Variants in RFX2 observed in about 807,000 individuals in gnomAD.
The protein encoded by RFX2 is DNA-binding protein RFX2.
Under a neutral mutation model 87.8 loss-of-function variants are expected in RFX2, and 20 were observed. The ratio of observed to expected loss-of-function variants is 0.23; its 90% CI spans 0.16 to 0.33. The LOEUF is 0.33. RFX2 is among the 10% of genes least tolerant of loss of function. The pLI is 1.00. For synonymous variants in RFX2, 397 were observed against 431.3 expected (o/e 0.92, Z 0.98); for missense variants, 767 against 1,012.3 (o/e 0.76, Z 3.29).
Position 5,995,611 on chromosome 19 carries a change from C to T in RFX2, c.2046G>A (p.Leu682=). The T allele has an allele frequency of 6.4e-7, 1 of 1,552,458 alleles. No individual in the cohort carries two copies. The highest frequency in any genetic ancestry group is 8.7e-7 in the Non-Finnish European group (1 of 1,147,464). ...FNDLASLSLT[L]LDKDDMGDEQ... is the part of the protein sequence containing the mutation. ...CGCAGACGCACCTACCTTTGTCGAG[C>T]AGCGTCAGCGACAGAGAGGCGAGAT... is the stretch of plus-strand genomic sequence containing the variant. Residue 682 remains leucine (L), a synonymous_variant, in exon 17 of 18, where the codon CTG becomes CTA. Transcript: ENST00000303657.
rs1599838795 is a variant in RFX2 at position 6,002,084 on chromosome 19, T to C, written c.1651-61A>G. 5 of 1,439,660 alleles carry C rather than the reference T, an allele frequency of 3.5e-6. No individual in the cohort carries two copies. Among genetic ancestry groups the C allele is most frequent in the Non-Finnish European group, 4.7e-6 (5 of 1,065,286 alleles). 89.2% of individuals were successfully genotyped at this position (1,439,660 alleles called of 1,614,324 possible). A position where few individuals can be genotyped will look rare whatever the true frequency, so the allele number is the denominator to read the frequency against. On this transcript the variant is annotated intron_variant, in intron 14 of 17. Coordinates refer to ENST00000303657, the MANE Select transcript of RFX2 (RefSeq NM_000635.4). This position sits in a 1 kb window ranked among gnomAD's most constrained non-coding sequence, Gnocchi z 6.7. Reference sequence around the variant, plus strand: ...GACCCCCAGCCACGGCAGCCCTCCCTGGACCTAGCCATGCTCAGGGCGGGA... The same window carrying C: ...GACCCCCAGCCACGGCAGCCCTCCCCGGACCTAGCCATGCTCAGGGCGGGA...
At chr19:6,003,723 G>C (rs773770836) in intron 13 of RFX2, among the ~76,000 whole-genome samples, 2 of 139,790 alleles carry the variant, frequency 1.4e-5, no homozygotes, top group Non-Finnish European at 3.0e-5. Flanking sequence ...ACGTTGCAGT[G>C]AGCTGAGATA....
At chr19:6,084,653 A>T (rs1421757620) in intron 1 of RFX2, among the ~76,000 whole-genome samples, 1 of 99,346 alleles carries the variant, frequency 1.0e-5, no homozygotes, top group Non-Finnish European at 1.8e-5. Context: ...CTTTTTTTTG[A>T]GACAGAATCT....
intron 1 of RFX2, among the ~76,000 whole-genome samples, chr19:6,079,040 T>G (rs927746175): frequency 1.3e-5 from 2 of 152,244 alleles, no homozygotes; most frequent in African/African-American, 4.8e-5. Flanking sequence ...CCTCCCAAAG[T>G]GCTGGAATTA....
chr19:6,009,411 C>T (rs563771), intron 9 of RFX2, among the ~76,000 whole-genome samples: 18,806 of 151,968 alleles, frequency 0.12, 3,846 homozygotes, highest in African/African-American at 0.43. Flanking sequence ...ACCACTAAGC[C>T]AGCTGGGGAA....
rs935955735 is a variant in RFX2 at position 6,047,171 on chromosome 19, G to C, written c.90+236C>G. ...AAGAGATCAAGTCAGATTTGGGAGAGTGGTTTCTTTTCCATTCATGTCATT... is the reference window on the plus strand; with the variant it reads ...AAGAGATCAAGTCAGATTTGGGAGACTGGTTTCTTTTCCATTCATGTCATT... On this transcript the variant is annotated intron_variant, in intron 2 of 17. Coordinates refer to ENST00000303657, the MANE Select transcript of RFX2 (RefSeq NM_000635.4). This position sits in a 1 kb window ranked among gnomAD's most constrained non-coding sequence, Gnocchi z 4.2. 1.3e-5 allele frequency among the ~76,000 whole-genome samples: 2 copies of C among 152,240 alleles called. No individual in the cohort carries two copies. The highest frequency in any genetic ancestry group is 1.3e-4 in the Admixed American group (2 of 15,294).
At position 6,040,383 on chromosome 19, in the gene RFX2, G is replaced by T; in HGVS notation, c.261-142C>A. 2 of 807,468 alleles carry T rather than the reference G, an allele frequency of 2.5e-6. No homozygotes were observed. Among genetic ancestry groups the T allele is most frequent in the Non-Finnish European group, 3.7e-6 (2 of 544,814 alleles). The allele number at this position is 807,468 out of a possible 1,614,324, so 50.0% of individuals were successfully genotyped here. A position where few individuals can be genotyped will look rare whatever the true frequency, so the allele number is the denominator to read the frequency against. ...ATGGAGCAATTCGGACGTGGCATAT[G>T]ACACTCAAATGCAGCGCAAGTTCAC... On this transcript the variant is annotated intron_variant, in intron 4 of 17. Coordinates refer to ENST00000303657, the MANE Select transcript of RFX2 (RefSeq NM_000635.4). This position sits in a 1 kb window ranked among gnomAD's most constrained non-coding sequence, Gnocchi z 6.1.
intron 6 of RFX2, among the ~76,000 whole-genome samples, chr19:6,018,132 C>T (rs548012595): frequency 5.9e-5 from 9 of 152,158 alleles, no homozygotes; most frequent in Non-Finnish European, 1.3e-4. Context: ...TGCACCACCA[C>T]ATCTGGCTTA....
rs2087219448 is a variant in RFX2, at chr19:6,047,975, A to G, written c.-8-471T>C. Among the ~76,000 whole-genome samples the G allele has an allele frequency of 6.6e-6, 1 of 152,228 alleles. No homozygotes were observed. ...GTGGCACCGTTGACATTTGAGCTGG[A>G]TACTTCTTTGCTGTTGGAGGCCCAT... On this transcript the variant is annotated intron_variant, in intron 1 of 17. Coordinates refer to ENST00000303657, the MANE Select transcript of RFX2 (RefSeq NM_000635.4). This position sits in a 1 kb window ranked among gnomAD's most constrained non-coding sequence, Gnocchi z 4.2.
chr19:6,036,191 C>A (rs1215390743), intron 5 of RFX2, among the ~76,000 whole-genome samples: 2 of 152,230 alleles, frequency 1.3e-5, no homozygotes, highest in Non-Finnish European at 2.9e-5. Flanking sequence ...AAACCTAGTT[C>A]CACCCAGCCA....
intron 1 of RFX2, among the ~76,000 whole-genome samples, chr19:6,081,035 CA>C (rs537462734): frequency 0.17 from 15,621 of 89,634 alleles, 1,849 homozygotes; most frequent in African/African-American, 0.37. Flanking sequence ...GACTCCATCT[CA>C]AAAAAAAAAA....
rs999195000 is a variant in RFX2 at position 6,012,426 on chromosome 19, G to T, written c.899+560C>A. ...CTGCAGACTGGGGTGGGGAGGGAAA[G>T]CTGGGTAGGCAGAACATGGAGGATG... On this transcript the variant is annotated intron_variant, in intron 8 of 17. Coordinates refer to ENST00000303657, the MANE Select transcript of RFX2 (RefSeq NM_000635.4). The surrounding 1 kb of genome is among the most constrained non-coding windows in gnomAD (Gnocchi z 4.6). 5.9e-5 allele frequency among the ~76,000 whole-genome samples: 9 copies of T among 152,226 alleles called. No individual in the cohort carries two copies. The highest frequency in any genetic ancestry group is 2.2e-4 in the African/African-American group (9 of 41,450).
At chr19:6,103,431 G>A (rs1478346543) in intron 1 of RFX2, among the ~76,000 whole-genome samples, 2 of 152,178 alleles carry the variant, frequency 1.3e-5, no homozygotes, top group Admixed American at 6.5e-5. Flanking sequence ...AGGCCAGGCC[G>A]TCTGCTCCTA....
chr19:6,060,705 C>T (rs1110622), intron 1 of RFX2, among the ~76,000 whole-genome samples: 2,652 of 152,150 alleles, frequency 0.017, 39 homozygotes, highest in Middle Eastern at 0.085. Context: ...TGTTTCGTGT[C>T]GCTCCTCGAA....
rs542100110 is a variant in RFX2, at chr19:6,002,210, C to T, written c.1651-187G>A. ...GGCAGAATAGAGAGCTGAGGGGGATCGTACCCGGCTTCCGGGGACTCATAC... is the reference window on the plus strand; with the variant it reads ...GGCAGAATAGAGAGCTGAGGGGGATTGTACCCGGCTTCCGGGGACTCATAC... On this transcript the variant is annotated intron_variant, in intron 14 of 17. Transcript: ENST00000303657. This position sits in a 1 kb window ranked among gnomAD's most constrained non-coding sequence, Gnocchi z 6.7. Among the ~76,000 whole-genome samples, 2 of 152,256 alleles carry T rather than the reference C, an allele frequency of 1.3e-5. No individual in the cohort carries two copies. The highest frequency in any genetic ancestry group is 2.9e-5 in the Non-Finnish European group (2 of 68,050).
rs994843989 is a variant in RFX2 at position 6,024,823 on chromosome 19, C to T, written c.597+1340G>A. Among the ~76,000 whole-genome samples, 7 of 100,980 alleles carry T rather than the reference C, an allele frequency of 6.9e-5. No homozygotes were observed. Among genetic ancestry groups the T allele is most frequent in the Admixed American group, 9.8e-5 (1 of 10,254 alleles). 66.2% of individuals were successfully genotyped at this position (100,980 alleles called of 152,430 possible). A position where few individuals can be genotyped will look rare whatever the true frequency, so the allele number is the denominator to read the frequency against. On this transcript the variant is annotated intron_variant, in intron 6 of 17. Coordinates refer to ENST00000303657, the MANE Select transcript of RFX2 (RefSeq NM_000635.4). This position sits in a 1 kb window ranked among gnomAD's most constrained non-coding sequence, Gnocchi z 5.0. ...ATCACGGTGAGGACGGGAGTGAGGA[C>T]GGGATCACGGTGAGGACGGGAGTGA... is the stretch of plus-strand genomic sequence containing the variant.
intron 1 of RFX2, chr19:6,067,852 A>G (rs1298606183): frequency 6.6e-6 from 1 of 152,236 alleles, no homozygotes; most frequent in Non-Finnish European, 1.5e-5. Context: ...ATGACCAAGC[A>G]TACCTTTCAA....
intron 1 of RFX2, among the ~76,000 whole-genome samples, chr19:6,070,405 C>G (rs917999714): frequency 3.3e-5 from 5 of 152,002 alleles, no homozygotes; most frequent in African/African-American, 1.2e-4. Flanking sequence ...GGTCCCCAGT[C>G]CCATTCTTCA....
At chr19:6,075,702 G>A (rs10401349) in intron 1 of RFX2, among the ~76,000 whole-genome samples, 11,321 of 152,148 alleles carry the variant, frequency 0.074, 456 homozygotes, top group Middle Eastern at 0.1. Context: ...ACCCAGTTTT[G>A]GGTGACAGAA....
Sources: allele counts gnomAD v4.1 joint callset (sites outside exome capture counted in the v4.1 genomes callset), GRCh38; gene constraint gnomAD v4.1.1; non-coding constraint Gnocchi (gnomAD v3.1); transcripts MANE v1.5; gene names NCBI Gene and HGNC (gene_info 2026-07-23, HGNC 2026-07-21).